The following LRRC7 variants were observed in gnomAD, a reference collection of about 807,000 sequenced individuals.
The protein encoded by LRRC7 is leucine-rich repeat-containing protein 7.
LRRC7 carries 23 observed loss-of-function variants against 175.7 expected under a neutral mutation model. That is an observed-to-expected ratio of 0.13 (90% CI 0.09 to 0.19). The LOEUF is 0.19. Ranked by LOEUF, LRRC7 falls within the 10% of genes least tolerant of loss-of-function variation. The pLI is 1.00. For synonymous variants in LRRC7, 685 were observed against 680.9 expected, an observed-to-expected ratio of 1.01 and a Z score of -0.09; for missense variants, 1,354 against 1,904.7, an observed-to-expected ratio of 0.71 and a Z score of 5.38.
rs147116955 is a variant in LRRC7 at position 69,819,554 on chromosome 1, GCTCTCT to G, written c.422-6175_422-6170del. Among the ~76,000 whole-genome samples the G allele has an allele frequency of 2.1e-4, 28 of 134,614 alleles. No individual in the cohort carries two copies. The East Asian group carries it at 2.3e-3, about 11-fold the overall frequency. 88.3% of individuals were successfully genotyped at this position (134,614 alleles called of 152,430 possible). On this transcript the variant is annotated intron_variant, in intron 4 of 26. Transcript: ENST00000651989. ...GTATTCTGCTGCTGTTGAATGGAAT[GCTCTCT>G]CTCTCTCTCTCTCTCTCTGTGTGTG... is the stretch of plus-strand genomic sequence containing the variant.
chr1:69,703,482 G>A (rs1663634091), intron 2 of LRRC7, among the ~76,000 whole-genome samples: 1 of 151,794 alleles, frequency 6.6e-6, no homozygotes, highest in Non-Finnish European at 1.5e-5. Context: ...TCAGAGTAAT[G>A]GGACCATGAG....
rs143000305 is a variant in LRRC7, at chr1:70,135,280, A to G, written c.*13393A>G. Among the ~76,000 whole-genome samples, 23 of 152,290 alleles carry G rather than the reference A, an allele frequency of 1.5e-4. No individual in the cohort carries two copies. The East Asian group carries it at 4.0e-3, about 27-fold the overall frequency. Reference sequence around the variant, plus strand: ...TAGCATAGTTCCCCAGGAGCAGGCTATGATCATCTCCTCAAAGCACGGGGG... The same window carrying G: ...TAGCATAGTTCCCCAGGAGCAGGCTGTGATCATCTCCTCAAAGCACGGGGG... On this transcript the variant is annotated 3_prime_UTR_variant, in exon 27 of 27. Transcript: ENST00000651989.
rs11473590 is a variant in LRRC7 at position 69,617,547 on chromosome 1, T to TAAAAAAAAAAA, written c.2+48921_2+48931dup. On this transcript the variant is annotated intron_variant, in intron 1 of 26. Coordinates refer to ENST00000651989, the MANE Select transcript of LRRC7 (RefSeq NM_001370785.2). ...GCTGAAGGTTGTTATATACTCACAGTAAAAAAAAAAAAAAAAAAAAAAAAA... is the reference window on the plus strand; with the variant it reads ...GCTGAAGGTTGTTATATACTCACAGTAAAAAAAAAAAAAAAAAAAAAAAAAAAAAAAAAAAA... Among the ~76,000 whole-genome samples, 37 of 61,996 alleles carry TAAAAAAAAAAA rather than the reference T, an allele frequency of 6.0e-4. 3 individuals are homozygous for TAAAAAAAAAAA. The highest frequency in any genetic ancestry group is 5.3e-3 in the South Asian group (7 of 1,314). The allele number at this position is 61,996 out of a possible 152,430, so 40.7% of individuals were successfully genotyped here. A position where few individuals can be genotyped will look rare whatever the true frequency, so the allele number is the denominator to read the frequency against.
chr1:69,589,750 C>T (rs1234116300), intron 1 of LRRC7, among the ~76,000 whole-genome samples: 2 of 150,948 alleles, frequency 1.3e-5, no homozygotes, highest in Non-Finnish European at 3.0e-5. Context: ...TTGAATCATT[C>T]TCTTTTTCTA....
chr1:70,043,289 TTAAAA>T (rs1208541650), intron 21 of LRRC7, among the ~76,000 whole-genome samples: 2 of 152,180 alleles, frequency 1.3e-5, no homozygotes, highest in South Asian at 2.1e-4. Flanking sequence ...TTTCTTTAGT[TTAAAA>T]TATAATTTTT....
intron 7 of LRRC7, among the ~76,000 whole-genome samples, chr1:69,925,532 G>A (rs912632521): frequency 1.3e-5 from 2 of 151,796 alleles, no homozygotes; most frequent in African/African-American, 2.4e-5. Flanking sequence ...GTCTTGGGAG[G>A]GTGTATGTGT....
At chr1:69,874,851 A>G (rs890425025) in intron 7 of LRRC7, 3 of 152,068 alleles carry the variant, frequency 2.0e-5, no homozygotes, top group Non-Finnish European at 4.4e-5. Context: ...ATATGTAAAA[A>G]TTTTAAGTCT....
chr1:69,951,526 A>C (rs1214646869), intron 8 of LRRC7, among the ~76,000 whole-genome samples: 1 of 152,094 alleles, frequency 6.6e-6, no homozygotes, highest in Non-Finnish European at 1.5e-5. Flanking sequence ...TAGCAAAGGC[A>C]TGGAATCAAC....
At chr1:70,059,992 T>C (rs924771406) in intron 23 of LRRC7, among the ~76,000 whole-genome samples, 1 of 152,020 alleles carries the variant, frequency 6.6e-6, no homozygotes, top group South Asian at 2.1e-4. Flanking sequence ...AATAAATACA[T>C]TTTATTATTT....
intron 10 of LRRC7, among the ~76,000 whole-genome samples, chr1:69,986,910 C>T (rs12032818): frequency 0.043 from 6,536 of 152,066 alleles, 162 homozygotes; most frequent in South Asian, 0.1. Context: ...AATAATTTGC[C>T]GGTTAGTGTA....
At chr1:69,831,383 T>G (rs1358942667) in intron 5 of LRRC7, among the ~76,000 whole-genome samples, 2 of 151,986 alleles carry the variant, frequency 1.3e-5, no homozygotes, top group Admixed American at 6.6e-5. Context: ...CTCTAATGCA[T>G]TACAACAAAG....
At chr1:69,811,913 C>A (rs1030414574) in intron 4 of LRRC7, among the ~76,000 whole-genome samples, 3 of 151,832 alleles carry the variant, frequency 2.0e-5, no homozygotes, top group African/African-American at 7.3e-5. Context: ...AGAACTTAAA[C>A]TATAATAAAA....
Position 70,021,077 on chromosome 1 carries a change from C to G in LRRC7, c.1493C>G (p.Ala498Gly), listed in dbSNP as rs1242230780. Residue 498 changes from alanine to glycine, a missense_variant, in exon 16 of 27, where the codon GCC becomes GGC. Coordinates refer to ENST00000651989, the MANE Select transcript of LRRC7 (RefSeq NM_001370785.2). Reference protein sequence around the residue: ...EEQRQQRMTVAFEFEDKKEDD... With the variant: ...EEQRQQRMTVGFEFEDKKEDD... ...CAGAGACAACAACGCATGACTGTTG[C>G]CTTTGAATTTGAAGACAAAAAAGAA... The G allele has an allele frequency of 6.2e-7, 1 of 1,612,740 alleles. No homozygotes were observed. Among genetic ancestry groups the G allele is most frequent in the Non-Finnish European group, 8.5e-7 (1 of 1,179,070 alleles).
At chr1:69,643,628 A>G (rs1233061456) in intron 1 of LRRC7, among the ~76,000 whole-genome samples, 2 of 152,108 alleles carry the variant, frequency 1.3e-5, no homozygotes, top group East Asian at 3.9e-4. Flanking sequence ...AGGTCATGTG[A>G]TGGATGGAGG....
chr1:70,074,326 C>T (rs1313267666), intron 23 of LRRC7, among the ~76,000 whole-genome samples: 2 of 152,112 alleles, frequency 1.3e-5, no homozygotes, highest in East Asian at 1.9e-4. Context: ...AAAGATATTC[C>T]ATGGCAGCAA....
intron 8 of LRRC7, among the ~76,000 whole-genome samples, chr1:69,954,238 G>C (rs1650261152): frequency 1.3e-5 from 2 of 151,968 alleles, no homozygotes; most frequent in Admixed American, 1.3e-4. Context: ...AAAGGAAAAG[G>C]GTAGAGGAAA....
intron 7 of LRRC7, among the ~76,000 whole-genome samples, chr1:69,859,988 A>G (rs552821559): frequency 2.0e-5 from 3 of 152,058 alleles, no homozygotes; most frequent in Non-Finnish European, 4.4e-5. Flanking sequence ...CAGCCAACTT[A>G]CGATCTCAAT....
intron 23 of LRRC7, among the ~76,000 whole-genome samples, chr1:70,071,134 T>A (rs1053830163): frequency 1.3e-5 from 2 of 152,190 alleles, no homozygotes; most frequent in African/African-American, 4.8e-5. Context: ...AAGCATTCTG[T>A]CTTGTTAGAC....
At position 70,142,692 on chromosome 1, in the gene LRRC7, T is replaced by A. The variant is rs1323669089; in HGVS notation, c.*20805T>A. The A allele has an allele frequency of 6.7e-6, 1 of 149,228 alleles. No homozygotes were observed. The highest frequency in any genetic ancestry group is 1.5e-5 in the Non-Finnish European group (1 of 67,474). 9.2% of individuals were successfully genotyped at this position (149,228 alleles called of 1,614,324 possible). On this transcript the variant is annotated 3_prime_UTR_variant, in exon 27 of 27. Coordinates refer to ENST00000651989, the MANE Select transcript of LRRC7 (RefSeq NM_001370785.2). Reference sequence around the variant, plus strand: ...GATTACTGTTGCTTATTGAAAGTAATAATACAGTTTTATTTTTTCCACTTT... The same window carrying A: ...GATTACTGTTGCTTATTGAAAGTAAAAATACAGTTTTATTTTTTCCACTTT...
Sources: gnomAD v4.1 joint callset for allele counts (sites outside exome capture counted in the v4.1 genomes callset) on GRCh38, gnomAD v4.1.1 for gene constraint, MANE v1.5 for transcripts, NCBI Gene and HGNC (gene_info 2026-07-23, HGNC 2026-07-21) for gene names.